The following SPATA6 variants were observed in gnomAD, a reference collection of about 807,000 sequenced individuals.
The protein encoded by SPATA6 is spermatogenesis associated 6.
A neutral mutation model predicts 65.3 loss-of-function variants in SPATA6; 56 were observed. The observed-to-expected ratio is 0.86, with a 90% CI of 0.69 to 1.07. The LOEUF is 1.07. Ranked by LOEUF, SPATA6 falls within the 50% of genes least tolerant of loss-of-function variation. SPATA6 has a pLI of 0.00. For synonymous variants in SPATA6, 199 were observed against 213.2 expected, an observed-to-expected ratio of 0.93 and a Z score of 0.58; for missense variants, 590 against 594.8, an observed-to-expected ratio of 0.99 and a Z score of 0.08.
chr1:48,412,228 A>G (rs1652313020), intron 4 of SPATA6, among the ~76,000 whole-genome samples: 2 of 152,324 alleles, frequency 1.3e-5, no homozygotes, highest in Middle Eastern at 3.4e-3. Context: ...ACAGAAATCA[A>G]TATCAGAAAT....
intron 9 of SPATA6, among the ~76,000 whole-genome samples, chr1:48,375,653 G>A (rs1647805266): frequency 1.3e-5 from 2 of 151,988 alleles, no homozygotes; most frequent in African/African-American, 4.8e-5. Context: ...ATTAAAATGA[G>A]GGCAAAGACA....
chr1:48,292,067 T>G (rs1191525260), downstream of SPATA6, among the ~76,000 whole-genome samples: 2 of 152,360 alleles, frequency 1.3e-5, no homozygotes, highest in East Asian at 1.9e-4. Context: ...ACCCATTTCT[T>G]TGGGGTCAGT....
At chr1:48,399,293 G>C in intron 7 of SPATA6, 58 bp downstream of exon 7, 1 of 1,539,488 alleles carries the variant, frequency 6.5e-7, no homozygotes. Context: ...CAGAATAACA[G>C]TTTTTTTGGG....
At chr1:48,370,499 T>C (rs1647204198) in intron 9 of SPATA6, among the ~76,000 whole-genome samples, 1 of 152,266 alleles carries the variant, frequency 6.6e-6, no homozygotes, top group South Asian at 2.1e-4. Flanking sequence ...AACATTCATA[T>C]GTGCACTATC....
intron 11 of SPATA6, among the ~76,000 whole-genome samples, chr1:48,337,750 T>C (rs1646099483): frequency 6.6e-6 from 1 of 151,878 alleles, no homozygotes; most frequent in Non-Finnish European, 1.5e-5. Flanking sequence ...CATAAAAATA[T>C]CAAACATCTA....
chr1:48,423,860 A>T (rs957154219), intron 3 of SPATA6, among the ~76,000 whole-genome samples: 3 of 152,010 alleles, frequency 2.0e-5, no homozygotes, highest in Admixed American at 6.6e-5. Context: ...ATTATTTTTT[A>T]AAATTGTGTA....
At chr1:48,401,562 T>G (rs1342751098) in intron 6 of SPATA6, among the ~76,000 whole-genome samples, 4 of 152,154 alleles carry the variant, frequency 2.6e-5, no homozygotes, top group Non-Finnish European at 5.9e-5. Flanking sequence ...ACTTCAAAAG[T>G]GCTTATCCTC....
intron 7 of SPATA6, chr1:48,399,079 T>A: frequency 3.1e-6 from 1 of 323,810 alleles, no homozygotes; most frequent in Non-Finnish European, 5.6e-6. Context: ...GGTAGCGTTA[T>A]TATGCTATCT....
intron 11 of SPATA6, among the ~76,000 whole-genome samples, chr1:48,311,272 G>T (rs1475773486): frequency 6.6e-6 from 1 of 152,064 alleles, no homozygotes; most frequent in South Asian, 2.1e-4. Context: ...AACCAAAGTT[G>T]CTTCTTTGAA....
chr1:48,396,279 T>C (rs1312276639), intron 7 of SPATA6, among the ~76,000 whole-genome samples: 1 of 151,766 alleles, frequency 6.6e-6, no homozygotes, highest in Non-Finnish European at 1.5e-5. Flanking sequence ...AATTTATTGG[T>C]GTGCAGTGCA....
At chr1:48,339,037 C>T (rs1646135089) in intron 11 of SPATA6, among the ~76,000 whole-genome samples, 1 of 151,900 alleles carries the variant, frequency 6.6e-6, no homozygotes, top group African/African-American at 2.4e-5. Context: ...AACCAGAGAG[C>T]AGGGGACTGA....
At chr1:48,289,476 G>A in the SPATA6 span, among the ~76,000 whole-genome samples, 12 of 152,174 alleles carry the variant, frequency 7.9e-5, no homozygotes, top group African/African-American at 2.4e-4. Context: ...CACCAGCAGT[G>A]GAACAAAGCT....
chr1:48,309,690 T>A (rs72679322), intron 11 of SPATA6, among the ~76,000 whole-genome samples: 4,927 of 152,266 alleles, frequency 0.032, 112 homozygotes, highest in Non-Finnish European at 0.053. Context: ...CACTGTTTAT[T>A]GTTGTTGTTT....
intron 9 of SPATA6, among the ~76,000 whole-genome samples, chr1:48,365,134 C>G (rs1646956413): frequency 6.6e-6 from 1 of 152,238 alleles, no homozygotes; most frequent in Non-Finnish European, 1.5e-5. Flanking sequence ...TTTCTGAGGG[C>G]TCTGTTCTGT....
At chr1:48,361,391 C>A (rs1412376002) in intron 9 of SPATA6, among the ~76,000 whole-genome samples, 2 of 152,002 alleles carry the variant, frequency 1.3e-5, no homozygotes, top group South Asian at 2.1e-4. Context: ...AAAGACAGAC[C>A]TTTGGATGTT....
intron 11 of SPATA6, among the ~76,000 whole-genome samples, chr1:48,335,544 A>C (rs1289797610): frequency 6.6e-6 from 1 of 152,080 alleles, no homozygotes; most frequent in Non-Finnish European, 1.5e-5. Context: ...TGGGGAAAGG[A>C]CTCCCTACTC....
At chr1:48,315,743 T>C (rs1645393939) in intron 11 of SPATA6, among the ~76,000 whole-genome samples, 1 of 152,132 alleles carries the variant, frequency 6.6e-6, no homozygotes, top group Non-Finnish European at 1.5e-5. Flanking sequence ...AAAGAGGAAG[T>C]CAAATTGTCC....
Position 48,298,702 on chromosome 1 carries a change from C to T in SPATA6, c.*11G>A, listed in dbSNP as rs1644857478. 1.9e-6 allele frequency: 3 copies of T among 1,606,162 alleles called. No individual in the cohort carries two copies. In the South Asian group the frequency reaches 3.3e-5, roughly 18 times the overall value. ...TGACACGGACACTAATGAGGTTTATCATGGATGGTCTCAGAAGCTTTCCTG... is the reference window on the plus strand; with the variant it reads ...TGACACGGACACTAATGAGGTTTATTATGGATGGTCTCAGAAGCTTTCCTG... On this transcript the variant is annotated 3_prime_UTR_variant, in exon 13 of 13. Transcript: ENST00000371847.
At chr1:48,301,529 CCA>C (rs536865372) in intron 12 of SPATA6, among the ~76,000 whole-genome samples, 4 of 151,132 alleles carry the variant, frequency 2.6e-5, no homozygotes, top group Admixed American at 6.6e-5. Flanking sequence ...TTATTTGGAA[CCA>C]CACACACACA....
Sources: gnomAD v4.1 joint callset for allele counts (sites outside exome capture counted in the v4.1 genomes callset) on GRCh38, gnomAD v4.1.1 for gene constraint, MANE v1.5 for transcripts, NCBI Gene and HGNC (gene_info 2026-07-23, HGNC 2026-07-21) for gene names.